Variants in ARHGEF28 observed in about 807,000 individuals in gnomAD.
ARHGEF28 encodes 190 kDa guanine nucleotide exchange factor.
ARHGEF28 carries 152 observed loss-of-function variants against 206.6 expected under a neutral mutation model. The observed-to-expected ratio is 0.74, with a 90% CI of 0.64 to 0.84. The LOEUF (loss-of-function observed/expected upper bound fraction) is 0.84. Ranked by LOEUF, ARHGEF28 falls within the 40% of genes least tolerant of loss-of-function variation. ARHGEF28 has a pLI of 0.00. For synonymous variants in ARHGEF28, 763 were observed against 776.4 expected (o/e 0.98, Z 0.29); for missense variants, 2,028 against 2,073.2 (o/e 0.98, Z 0.42).
intron 2 of ARHGEF28, among the ~76,000 whole-genome samples, chr5:73,733,468 G>A (rs1453308406): frequency 6.6e-6 from 1 of 152,176 alleles, no homozygotes; most frequent in Non-Finnish European, 1.5e-5. Flanking sequence ...TCCAGGGCTG[G>A]CTGACTTAAC....
intron 22 of ARHGEF28, among the ~76,000 whole-genome samples, chr5:73,875,516 T>A (rs62358595): frequency 0.49 from 63,012 of 129,304 alleles, 11,592 homozygotes; most frequent in African/African-American, 0.58. Flanking sequence ...CTGAATGGTA[T>A]TGCCTAGGTT....
At chr5:73,686,678 C>T (rs552333508) in intron 2 of ARHGEF28, among the ~76,000 whole-genome samples, 134 of 151,910 alleles carry the variant, frequency 8.8e-4, no homozygotes, top group Middle Eastern at 6.8e-3. Flanking sequence ...CCACCACGCC[C>T]GGCAAATTTT....
chr5:73,926,224 T>C (rs1763794124), intron 35 of ARHGEF28, among the ~76,000 whole-genome samples: 1 of 152,216 alleles, frequency 6.6e-6, no homozygotes, highest in Non-Finnish European at 1.5e-5. Flanking sequence ...AAATGAATGC[T>C]CTGTCCATCA....
chr5:73,923,104 T>A, intron 35 of ARHGEF28: 1 of 1,535,826 alleles, frequency 6.5e-7, no homozygotes, highest in Middle Eastern at 1.7e-4. Flanking sequence ...TATGACAAAG[T>A]GCAGTTGTAC....
intron 7 of ARHGEF28, among the ~76,000 whole-genome samples, chr5:73,789,317 T>G (rs1265637013): frequency 6.6e-6 from 1 of 152,200 alleles, no homozygotes; most frequent in African/African-American, 2.4e-5. Context: ...GCAATTCAAT[T>G]TATATGAAAT....
chr5:73,871,248 C>T (rs941782820), intron 21 of ARHGEF28, among the ~76,000 whole-genome samples: 10 of 152,168 alleles, frequency 6.6e-5, no homozygotes, highest in African/African-American at 2.4e-4. Context: ...TTTACCTTCT[C>T]TTCCTCACTG....
chr5:73,937,993 T>A (rs151119483), intron 35 of ARHGEF28, among the ~76,000 whole-genome samples: 2 of 152,150 alleles, frequency 1.3e-5, no homozygotes, highest in Non-Finnish European at 2.9e-5. Flanking sequence ...AGAAGGAAAT[T>A]GAGTTCCCGT....
At chr5:73,709,279 C>A (rs1749111275) in intron 2 of ARHGEF28, among the ~76,000 whole-genome samples, 1 of 152,058 alleles carries the variant, frequency 6.6e-6, no homozygotes, top group African/African-American at 2.4e-5. Flanking sequence ...TTGTATCCAT[C>A]TCCACAGAAC....
chr5:73,843,050 G>C (rs1359689102), intron 11 of ARHGEF28, among the ~76,000 whole-genome samples: 1 of 150,614 alleles, frequency 6.6e-6, no homozygotes, highest in Non-Finnish European at 1.5e-5. Context: ...AGATAAATAA[G>C]TTCTTTAGAA....
intron 2 of ARHGEF28, among the ~76,000 whole-genome samples, chr5:73,745,150 T>G (rs1444497326): frequency 6.6e-6 from 1 of 151,946 alleles, no homozygotes; most frequent in Non-Finnish European, 1.5e-5. Flanking sequence ...AGTTAAGGTG[T>G]TGTTCAGCAA....
chr5:73,763,232 C>T (rs1198669770), intron 4 of ARHGEF28, among the ~76,000 whole-genome samples: 5 of 152,194 alleles, frequency 3.3e-5, no homozygotes, highest in African/African-American at 9.7e-5. Context: ...CATTTACCTT[C>T]CTCTTCTAGT....
At chr5:73,758,482 C>T (rs920386168) in intron 4 of ARHGEF28, among the ~76,000 whole-genome samples, 3 of 152,222 alleles carry the variant, frequency 2.0e-5, no homozygotes, top group Non-Finnish European at 4.4e-5. Context: ...GGCAGAAGTT[C>T]TTCTGCTCAT....
chr5:73,696,355 A>G (rs1023751647), intron 2 of ARHGEF28, among the ~76,000 whole-genome samples: 1 of 152,178 alleles, frequency 6.6e-6, no homozygotes, highest in African/African-American at 2.4e-5. Context: ...CGTGAATGCC[A>G]TGCTTCTTCC....
chr5:73,771,220 C>A (rs935289843), intron 4 of ARHGEF28, among the ~76,000 whole-genome samples: 4 of 152,170 alleles, frequency 2.6e-5, no homozygotes, highest in African/African-American at 9.7e-5. Context: ...ATATTTCTCA[C>A]TATATTCAGA....
At chr5:73,887,545 T>C in intron 25 of ARHGEF28, 58 bp from the exon 26 acceptor site, 5 of 1,304,260 alleles carry the variant, frequency 3.8e-6, no homozygotes, top group Admixed American at 2.6e-5. Context: ...TGATTTTTAT[T>C]CAGTTTATTT....
At chr5:73,837,744 TG>T (rs1308487260) in intron 10 of ARHGEF28, among the ~76,000 whole-genome samples, 5 of 149,518 alleles carry the variant, frequency 3.3e-5, no homozygotes, top group African/African-American at 7.5e-5. Flanking sequence ...TCTTTCGTTT[TG>T]TTTTTTTTTT....
At chr5:73,761,886 G>A (rs916707378) in intron 4 of ARHGEF28, among the ~76,000 whole-genome samples, 29 of 151,898 alleles carry the variant, frequency 1.9e-4, no homozygotes, top group African/African-American at 7.0e-4. Flanking sequence ...TTTTAAGATG[G>A]GGTGTCGCTG....
rs1187303515 is a variant in ARHGEF28 at position 73,868,176 on chromosome 5, C to T, written c.2374C>T (p.Leu792=). 1.9e-6 allele frequency: 3 copies of T among 1,601,652 alleles called. No individual in the cohort carries two copies. Among genetic ancestry groups the T allele is most frequent in the Non-Finnish European group, 2.6e-6 (3 of 1,173,536 alleles). The change falls in exon 20 of 36, where the codon CTG becomes TTG. Residue 792 remains leucine (L), a synonymous_variant. Transcript: ENST00000513042. ...CAGAAGCAGGTCTCATTCTGATGAG[C>T]TGCTACAGTCCATGGGCTCTTCTCC... ...SCRSRSHSDE[L]LQSMGSSPST...
intron 10 of ARHGEF28, among the ~76,000 whole-genome samples, chr5:73,839,168 C>T (rs965689485): frequency 6.6e-6 from 1 of 152,106 alleles, no homozygotes; most frequent in Admixed American, 6.5e-5. Flanking sequence ...AGGCATAGGA[C>T]ATCAATCTGT....
Sources: gnomAD v4.1 joint callset for allele counts (sites outside exome capture counted in the v4.1 genomes callset) on GRCh38, gnomAD v4.1.1 for gene constraint, MANE v1.5 for transcripts, NCBI Gene and HGNC (gene_info 2026-07-23, HGNC 2026-07-21) for gene names.